Variants in WDR62 observed in about 807,000 individuals in gnomAD.
WDR62 encodes the protein WD repeat-containing protein 62.
A neutral mutation model predicts 160.6 loss-of-function variants in WDR62; 112 were observed. The ratio of observed to expected loss-of-function variants is 0.70; its 90% confidence interval spans 0.60 to 0.82. WDR62 has a LOEUF of 0.82. Among genes scored for constraint, WDR62 ranks in the 40% least tolerant of loss-of-function variants. The pLI is 0.00. For synonymous variants in WDR62, 792 were observed against 815.1 expected (o/e 0.97, Z 0.48); for missense variants, 1,819 against 1,983.8 (o/e 0.92, Z 1.58).
intron 9 of WDR62, among the ~76,000 whole-genome samples, chr19:36,077,262 T>C (rs552116967): frequency 7.4e-6 from 1 of 134,572 alleles, no homozygotes; most frequent in East Asian, 2.4e-4. Context: ...CTTCTTTCCT[T>C]CCTTCCTTCC....
chr19:36,059,093 A>G (rs780960018), intron 2 of WDR62: 2 of 683,660 alleles, frequency 2.9e-6, no homozygotes, highest in South Asian at 3.0e-5. Flanking sequence ...TTATGACTAC[A>G]GGGGGGAGGT....
In WDR62 at chr19:36,103,451, G is replaced by T; in HGVS notation, c.3623G>T (p.Gly1208Val). 6.2e-7 allele frequency: 1 copy of T among 1,614,006 alleles called. No individual in the cohort carries two copies. The highest frequency in any genetic ancestry group is 8.5e-7 in the Non-Finnish European group (1 of 1,179,994). Residue 1208 changes from glycine (G) to valine (V), a missense_variant, in exon 30 of 32, where the codon GGT (glycine) becomes GTT (valine). Gly to Val is a moderately radical substitution (Grantham distance 109). Transcript: ENST00000401500. ...GCACCCACCCCAGGCCTGGCTCAGG[G>T]TGTCCATGCCCCCTCCACCTGTTCC... The part of the protein sequence containing the change: ...TSAPTPGLAQ[G>V]VHAPSTCSYM...
chr19:36,056,634 C>T (rs761241617), intron 1 of WDR62, among the ~76,000 whole-genome samples: 1 of 152,116 alleles, frequency 6.6e-6, no homozygotes, highest in African/African-American at 2.4e-5. Flanking sequence ...CTTATATGTT[C>T]CTGAAAGTGC....
At chr19:36,064,177 C>G (rs1970809443) in intron 3 of WDR62, among the ~76,000 whole-genome samples, 1 of 152,224 alleles carries the variant, frequency 6.6e-6, no homozygotes, top group African/African-American at 2.4e-5. Context: ...AGAAACCCCT[C>G]CACAGCATGG....
intron 12 of WDR62, 54 bp downstream of exon 12, chr19:36,084,798 G>A: frequency 6.5e-7 from 1 of 1,542,204 alleles, no homozygotes; most frequent in Non-Finnish European, 8.9e-7. Flanking sequence ...AGCCCCCCTG[G>A]CAGGGCCACA....
chr19:36,077,829 C>T (rs1162397164), intron 9 of WDR62, among the ~76,000 whole-genome samples: 3 of 151,634 alleles, frequency 2.0e-5, no homozygotes, highest in Non-Finnish European at 4.4e-5. Context: ...CTCCTGAGCT[C>T]AGGTGATCTG....
chr19:36,097,125 G>A (rs1973019201), intron 21 of WDR62, 46 bp downstream of exon 21: 2 of 1,583,734 alleles, frequency 1.3e-6, no homozygotes, highest in Non-Finnish European at 1.7e-6. Flanking sequence ...CAGAGGAAAC[G>A]CCTCCCCAGC....
At chr19:36,092,158 A>G (rs1011216208) in intron 18 of WDR62, among the ~76,000 whole-genome samples, 16 of 152,076 alleles carry the variant, frequency 1.1e-4, no homozygotes, top group African/African-American at 3.1e-4. Flanking sequence ...TAAAAATACA[A>G]AAATTAGCTG....
In WDR62 at chr19:36,058,864, C is replaced by G; in HGVS notation, c.262C>G (p.Leu88Val). The G allele has an allele frequency of 6.2e-7, 1 of 1,613,810 alleles. No homozygotes were observed. The highest frequency in any genetic ancestry group is 2.2e-5 in the East Asian group (1 of 44,888). The change falls in exon 2 of 32, where the codon CTG becomes GTG. Residue 88 changes from leucine (L) to valine (V), a missense_variant. Coordinates refer to ENST00000401500, the MANE Select transcript of WDR62 (RefSeq NM_001083961.2). ...CDPGTGHVAYLAGCVVVILDP... is the reference protein window; with the variant it reads ...CDPGTGHVAYVAGCVVVILDP... Reference sequence around the variant, plus strand: ...CCCCGGCACAGGCCATGTGGCCTACCTGGCAGGGTAAGCAGATAAGGGCCT... The same window carrying G: ...CCCCGGCACAGGCCATGTGGCCTACGTGGCAGGGTAAGCAGATAAGGGCCT...
At position 36,059,951 on chromosome 19, in the gene WDR62, T is replaced by C; in HGVS notation, c.270-17T>C. 1.2e-6 allele frequency: 2 copies of C among 1,614,134 alleles called. No individual in the cohort carries two copies. Among genetic ancestry groups the C allele is most frequent in the Non-Finnish European group, 1.7e-6 (2 of 1,179,990 alleles). The stretch of plus-strand genomic sequence containing the variant: ...ACACTCCCCACAGTTGAGGCACATT[T>C]TCCTCTTTCTTCCCAGCTGTGTGGT... On this transcript the variant is annotated splice_polypyrimidine_tract_variant and intron_variant, in intron 2 of 31. Coordinates refer to ENST00000401500, the MANE Select transcript of WDR62 (RefSeq NM_001083961.2).
At chr19:36,111,028 C>A in the WDR62 span, 3 of 611,930 alleles carry the variant, frequency 4.9e-6, no homozygotes, top group Admixed American at 3.0e-5. Flanking sequence ...GGTCCCCAGG[C>A]AGGGGTAACC....
chr19:36,101,693 T>C lies in WDR62; in HGVS notation c.3001T>C (p.Cys1001Arg), dbSNP rs996367390. The change falls in exon 25 of 32, where the codon TGC becomes CGC. Residue 1001 changes from cysteine (C) to arginine (R), a missense_variant. By Grantham distance (180) the Cys-to-Arg change is radical. This residue lies in a region of WDR62 where 770 missense variants were observed against 734.2 expected (regional missense o/e 1.05). Transcript: ENST00000401500. Reference protein sequence around the residue: ...DSGESEADLECSFAAIHSPAP... With the variant: ...DSGESEADLERSFAAIHSPAP... ...GGGGGAGTCAGAGGCCGACCTGGAG[T>C]GCAGCTTCGCAGCCATCCACTCCCC... The C allele has an allele frequency of 4.5e-6, 7 of 1,550,814 alleles. No individual in the cohort carries two copies. The African/African-American group carries it at 8.2e-5, about 18-fold the overall frequency.
At chr19:36,078,011 T>G (rs1012679546) in intron 9 of WDR62, among the ~76,000 whole-genome samples, 15 of 152,246 alleles carry the variant, frequency 9.9e-5, no homozygotes, top group African/African-American at 3.6e-4. Context: ...ACTTCATGCC[T>G]TTTTATGGTG....
chr19:36,059,930 T>A, intron 2 of WDR62, 38 bp from the exon 3 acceptor site: 1 of 1,611,110 alleles, frequency 6.2e-7, no homozygotes, highest in Non-Finnish European at 8.5e-7. Flanking sequence ...ACCCCAACAC[T>A]CCCCACAGTT....
chr19:36,068,063 G>T, intron 7 of WDR62, 53 bp downstream of exon 7: 1 of 1,570,728 alleles, frequency 6.4e-7, no homozygotes, highest in East Asian at 2.3e-5. Context: ...CGTGATATGT[G>T]TCTGCAGGGG....
chr19:36,072,882 G>A (rs567216836), intron 8 of WDR62, among the ~76,000 whole-genome samples: 2 of 152,116 alleles, frequency 1.3e-5, no homozygotes, highest in Non-Finnish European at 2.9e-5. Flanking sequence ...TAAAACTCTC[G>A]GCCTGGCACA....
rs371888334 is a variant in WDR62, at chr19:36,102,874, C to T, written c.3335+23C>T. 2.5e-6 allele frequency: 4 copies of T among 1,614,120 alleles called. No individual in the cohort carries two copies. The African/African-American group carries it at 4.0e-5, about 16-fold the overall frequency. The stretch of plus-strand genomic sequence containing the variant: ...CAGGTAGAAGCTGGCCAAGCACTGC[C>T]CACCCTCTGGCTCCTCAACAGTGCC... On this transcript the variant is annotated intron_variant, in intron 27 of 31. Coordinates refer to ENST00000401500, the MANE Select transcript of WDR62 (RefSeq NM_001083961.2).
intron 9 of WDR62, 99 bp from the exon 10 acceptor site, chr19:36,081,334 T>G: frequency 6.9e-7 from 1 of 1,453,112 alleles, no homozygotes; most frequent in Non-Finnish European, 9.6e-7. Flanking sequence ...ACGATACCTG[T>G]TTATCTTTAA....
At position 36,083,246 on chromosome 19, in the gene WDR62, G is replaced by T; in HGVS notation, c.1550+5G>T. On this transcript the variant is annotated splice_donor_5th_base_variant and intron_variant, in intron 11 of 31. Transcript: ENST00000401500. ...CGACCGAAGTGGAAATCTGAGGCAA[G>T]TGGGCCCTGGCAGTGTCCAGTGTAC... The T allele has an allele frequency of 6.3e-7, 1 of 1,590,640 alleles. No homozygotes were observed. Among genetic ancestry groups the T allele is most frequent in the Non-Finnish European group, 8.6e-7 (1 of 1,168,064 alleles).
Sources: gnomAD v4.1 joint callset for allele counts (sites outside exome capture counted in the v4.1 genomes callset) on GRCh38, gnomAD v4.1.1 for gene constraint, gnomAD v4.1.1 regional missense constraint, MANE v1.5 for transcripts, NCBI Gene and HGNC (gene_info 2026-07-23, HGNC 2026-07-21) for gene names.